Variants in LAMA2 observed in about 807,000 individuals in gnomAD.
The protein encoded by LAMA2 is laminin subunit alpha 2.
Under a neutral mutation model 364.8 loss-of-function variants are expected in LAMA2, and 269 were observed. The ratio of observed to expected loss-of-function variants is 0.74; its 90% confidence interval spans 0.67 to 0.82. The LOEUF is 0.82. Ranked by LOEUF, LAMA2 falls within the 40% of genes least tolerant of loss-of-function variation. The pLI, the probability that LAMA2 is intolerant of heterozygous loss-of-function variation, is 0.00. For missense variants in LAMA2, 3,807 were observed against 3,873.2 expected (o/e 0.98, Z 0.45); for synonymous variants, 1,379 against 1,370.6 (o/e 1.01, Z -0.14).
intron 4 of LAMA2, among the ~76,000 whole-genome samples, chr6:129,108,877 G>A (rs938719596): frequency 1.3e-5 from 2 of 152,124 alleles, no homozygotes; most frequent in Admixed American, 1.3e-4. Flanking sequence ...GGTGATATGG[G>A]TTTTACTCAC....
At chr6:129,396,792 A>G (rs1583653166) in intron 37 of LAMA2, among the ~76,000 whole-genome samples, 1 of 152,258 alleles carries the variant, frequency 6.6e-6, no homozygotes, top group African/African-American at 2.4e-5. Flanking sequence ...CCTGAGCAAC[A>G]TGGTGACACC....
chr6:129,235,067 A>T (rs987086247), intron 12 of LAMA2, among the ~76,000 whole-genome samples: 7 of 152,304 alleles, frequency 4.6e-5, no homozygotes, highest in African/African-American at 1.4e-4. Flanking sequence ...TATAATTCAA[A>T]CCTGTACAAG....
rs146658371 is a variant in LAMA2, at chr6:129,466,839, A to C, written c.7300+1550A>C. ...AGTGCATAAGGGGACATATGAGCTA[A>C]GTGAGTGAGTTTCAGCTTTATCCTG... On this transcript the variant is annotated intron_variant, in intron 51 of 64. Coordinates refer to ENST00000421865, the MANE Select transcript of LAMA2 (RefSeq NM_000426.4). Among the ~76,000 whole-genome samples, 951 of 151,994 alleles carry C rather than the reference A, an allele frequency of 6.3e-3. 8 individuals are homozygous for C. Among genetic ancestry groups the C allele is most frequent in the South Asian group, 0.015 (73 of 4,826 alleles).
chr6:129,069,584 G>T (rs1773170280), intron 3 of LAMA2, among the ~76,000 whole-genome samples: 1 of 149,058 alleles, frequency 6.7e-6, no homozygotes, highest in Non-Finnish European at 1.5e-5. Context: ...TTGATGAATA[G>T]AAGTTAGAAT....
At chr6:129,357,446 G>A (rs1250374304) in intron 32 of LAMA2, among the ~76,000 whole-genome samples, 1 of 151,994 alleles carries the variant, frequency 6.6e-6, no homozygotes, top group African/African-American at 2.4e-5. Context: ...TCACTGCATA[G>A]TGGGGTTTTT....
At chr6:129,187,941 A>G (rs566424150) in intron 10 of LAMA2, among the ~76,000 whole-genome samples, 18 of 152,006 alleles carry the variant, frequency 1.2e-4, no homozygotes, top group African/African-American at 3.9e-4. Context: ...CTTGTTCCCA[A>G]TGTCTTTGCT....
At position 129,318,547 on chromosome 6, in the gene LAMA2, G is replaced by C. The variant is rs369062390; in HGVS notation, c.4059-1991G>C. The stretch of plus-strand genomic sequence containing the variant: ...AGGAGAATGAAGCCAGTAGCTCCTC[G>C]GGCTATAAAATTCCATGGAGATGCC... On this transcript the variant is annotated intron_variant, in intron 27 of 64. Transcript: ENST00000421865. Among the ~76,000 whole-genome samples the C allele has an allele frequency of 9.2e-5, 14 of 152,176 alleles. No individual in the cohort carries two copies. In the South Asian group the frequency reaches 1.7e-3, roughly 18 times the overall value.
intron 28 of LAMA2, among the ~76,000 whole-genome samples, chr6:129,323,393 T>C (rs1775082051): frequency 6.6e-6 from 1 of 152,198 alleles, no homozygotes; most frequent in Admixed American, 6.5e-5. Context: ...AAATTAAGTA[T>C]CAGTTACTGC....
intron 4 of LAMA2, among the ~76,000 whole-genome samples, chr6:129,123,373 A>G (rs1188611502): frequency 6.7e-6 from 1 of 149,418 alleles, no homozygotes; most frequent in Non-Finnish European, 1.5e-5. Flanking sequence ...TGTGTGAGAT[A>G]TATATATATA....
At chr6:129,053,226 CG>C (rs948376598) in intron 2 of LAMA2, among the ~76,000 whole-genome samples, 2 of 152,186 alleles carry the variant, frequency 1.3e-5, no homozygotes, top group African/African-American at 4.8e-5. Context: ...CCACCATGCC[CG>C]GCTAATTTTG....
chr6:129,348,779 G>C (rs1310472431), intron 30 of LAMA2, among the ~76,000 whole-genome samples: 1 of 152,066 alleles, frequency 6.6e-6, no homozygotes, highest in Non-Finnish European at 1.5e-5. Context: ...ATGTAAATTA[G>C]AAAAGATATT....
chr6:129,007,159 C>A, intron 1 of LAMA2, among the ~76,000 whole-genome samples: 1 of 152,070 alleles, frequency 6.6e-6, no homozygotes, highest in East Asian at 1.9e-4. Context: ...GCCAAGGAGA[C>A]TTGTCTCTAA....
intron 1 of LAMA2, among the ~76,000 whole-genome samples, chr6:128,904,439 AT>A (rs1385901084): frequency 2.6e-5 from 3 of 116,374 alleles, no homozygotes; most frequent in Non-Finnish European, 3.7e-5. Flanking sequence ...GAGTTTCTTT[AT>A]TTTTTTCCTT....
chr6:128,951,963 G>C (rs1011809990), intron 1 of LAMA2, among the ~76,000 whole-genome samples: 2 of 152,098 alleles, frequency 1.3e-5, no homozygotes, highest in Non-Finnish European at 2.9e-5. Flanking sequence ...CCAGGAGTTC[G>C]AGGCTAACCT....
Position 129,059,792 on chromosome 6 carries a change from C to G in LAMA2, c.292C>G (p.Pro98Ala), listed in dbSNP as rs140199131. 12 of 1,594,598 alleles carry G rather than the reference C, an allele frequency of 7.5e-6. No homozygotes were observed. In the African/African-American group the frequency reaches 1.2e-4, roughly 16 times the overall value. Residue 98 changes from proline (P) to alanine (A), a missense_variant, in exon 3 of 65, where the codon CCG becomes GCG. Transcript: ENST00000421865. ...QNSSNPNQRHPITNAIDGKNT... is the reference protein window; with the variant it reads ...QNSSNPNQRHAITNAIDGKNT... Reference sequence around the variant, plus strand: ...TGCTGCTAACTCAATAGAGAGACACCCGATTACAAATGCTATTGATGGAAA... The same window carrying G: ...TGCTGCTAACTCAATAGAGAGACACGCGATTACAAATGCTATTGATGGAAA...
chr6:129,016,527 A>G (rs1785082731), intron 1 of LAMA2, among the ~76,000 whole-genome samples: 1 of 151,996 alleles, frequency 6.6e-6, no homozygotes, highest in African/African-American at 2.4e-5. Flanking sequence ...GTTATACCCA[A>G]CAGCACGGGT....
chr6:129,167,985 T>C (rs1311810735), intron 9 of LAMA2, among the ~76,000 whole-genome samples: 2 of 151,232 alleles, frequency 1.3e-5, no homozygotes, highest in Non-Finnish European at 2.9e-5. Flanking sequence ...TCTGTTCATG[T>C]CCTTCGCCCA....
chr6:129,350,315 C>T (rs928157957), intron 31 of LAMA2, among the ~76,000 whole-genome samples: 5 of 152,198 alleles, frequency 3.3e-5, no homozygotes, highest in Admixed American at 6.5e-5. Context: ...CATCTATAAT[C>T]TCAGGAATCA....
chr6:129,387,505 C>T (rs1779081083), intron 35 of LAMA2, among the ~76,000 whole-genome samples: 1 of 152,150 alleles, frequency 6.6e-6, no homozygotes, highest in Admixed American at 6.5e-5. Context: ...GGCGATTCCT[C>T]AAGGATCCAG....
Sources: allele counts gnomAD v4.1 joint callset (sites outside exome capture counted in the v4.1 genomes callset), GRCh38; gene constraint gnomAD v4.1.1; transcripts MANE v1.5; gene names NCBI Gene and HGNC (gene_info 2026-07-23, HGNC 2026-07-21).